The following CDK14 variants were observed in gnomAD, a reference collection of about 807,000 sequenced individuals.
CDK14 encodes the protein cyclin-dependent kinase 14.
Under a neutral mutation model 60.7 loss-of-function variants are expected in CDK14, and 34 were observed. That is an observed-to-expected ratio of 0.56 (90% CI 0.43 to 0.75). The LOEUF is 0.75. CDK14 is among the 30% of genes least tolerant of loss of function. The probability of loss-of-function intolerance (pLI) is 0.00; values close to 1 mark genes in which losing one functional copy is unlikely to be tolerated. For missense variants in CDK14, 482 were observed against 564.1 expected, an observed-to-expected ratio of 0.85 and a Z score of 1.47; for synonymous variants, 197 against 203.7, an observed-to-expected ratio of 0.97 and a Z score of 0.28.
At chr7:90,895,727 ATT>A (rs35655255) in intron 6 of CDK14, among the ~76,000 whole-genome samples, 16,523 of 105,038 alleles carry the variant, frequency 0.16, 1,116 homozygotes, top group Non-Finnish European at 0.18. Flanking sequence ...CACTTGGCTA[ATT>A]TTTTTTTTTT....
intron 2 of CDK14, among the ~76,000 whole-genome samples, chr7:90,651,431 T>C (rs935950520): frequency 1.3e-5 from 2 of 152,172 alleles, no homozygotes; most frequent in Non-Finnish European, 2.9e-5. Context: ...TTTGTGTTTC[T>C]TCACCCCTAA....
At chr7:90,748,777 C>T (rs186368762) in intron 4 of CDK14, among the ~76,000 whole-genome samples, 5 of 152,190 alleles carry the variant, frequency 3.3e-5, no homozygotes, top group East Asian at 1.9e-4. Context: ...TTTGCAGAAA[C>T]GGAATTTTCC....
chr7:90,804,323 G>A (rs994095476), intron 5 of CDK14, among the ~76,000 whole-genome samples: 2 of 151,908 alleles, frequency 1.3e-5, no homozygotes, highest in Admixed American at 6.6e-5. Context: ...TCTTTTACCT[G>A]GAAAAAAGAT....
intron 2 of CDK14, among the ~76,000 whole-genome samples, chr7:90,640,201 G>T (rs112646085): frequency 1.3e-5 from 2 of 152,032 alleles, no homozygotes; most frequent in Non-Finnish European, 1.5e-5. Context: ...GAAATCACCC[G>T]TCTTCTGCGT....
chr7:90,985,820 C>A (rs1428203972), intron 10 of CDK14, among the ~76,000 whole-genome samples: 1 of 152,116 alleles, frequency 6.6e-6, no homozygotes, highest in East Asian at 1.9e-4. Flanking sequence ...AAGTGTTGTC[C>A]TGTTGGTTTT....
intron 11 of CDK14, among the ~76,000 whole-genome samples, chr7:91,051,497 G>C (rs1275985807): frequency 6.6e-6 from 1 of 152,074 alleles, no homozygotes; most frequent in Non-Finnish European, 1.5e-5. Context: ...AGGTCTCCTT[G>C]TGTCTCCCTC....
chr7:90,606,747 C>G (rs550583216), intron 2 of CDK14, among the ~76,000 whole-genome samples: 1 of 152,220 alleles, frequency 6.6e-6, no homozygotes, highest in African/African-American at 2.4e-5. Context: ...AGTTAACTTT[C>G]AGTACGTATC....
At chr7:91,204,619 AAAG>A (rs1802828077) in intron 14 of CDK14, among the ~76,000 whole-genome samples, 2 of 152,334 alleles carry the variant, frequency 1.3e-5, no homozygotes, top group Admixed American at 1.3e-4. Context: ...ACATTTCTCC[AAAG>A]AAGATATTCA....
chr7:90,900,253 A>G (rs1482538262), intron 7 of CDK14, among the ~76,000 whole-genome samples: 1 of 152,148 alleles, frequency 6.6e-6, no homozygotes, highest in Non-Finnish European at 1.5e-5. Flanking sequence ...GAAATCTGTC[A>G]AAACATTGTT....
intron 4 of CDK14, among the ~76,000 whole-genome samples, chr7:90,749,210 A>G (rs1199561363): frequency 6.6e-6 from 1 of 152,174 alleles, no homozygotes; most frequent in Non-Finnish European, 1.5e-5. Context: ...GCAGATCTCC[A>G]GGCCTTTGGA....
At chr7:90,684,218 C>T (rs1218039144) in intron 2 of CDK14, among the ~76,000 whole-genome samples, 1 of 152,146 alleles carries the variant, frequency 6.6e-6, no homozygotes, top group Non-Finnish European at 1.5e-5. Flanking sequence ...GTTCTCTTCC[C>T]ATTTTGACCA....
intron 9 of CDK14, among the ~76,000 whole-genome samples, chr7:90,982,310 T>C (rs142920952): frequency 3.0e-3 from 464 of 152,234 alleles, no homozygotes; most frequent in African/African-American, 0.011. Flanking sequence ...CAAGAGTAAA[T>C]AGGCGAAGAA....
chr7:90,750,078 A>G (rs1336378024), intron 4 of CDK14, among the ~76,000 whole-genome samples: 1 of 152,040 alleles, frequency 6.6e-6, no homozygotes, highest in Non-Finnish European at 1.5e-5. Flanking sequence ...CTATAGAAGC[A>G]AAGCCAAAAG....
At chr7:90,681,530 A>G (rs1470860768) in intron 2 of CDK14, among the ~76,000 whole-genome samples, 2 of 152,158 alleles carry the variant, frequency 1.3e-5, no homozygotes, top group Non-Finnish European at 1.5e-5. Context: ...CTGTGCACTC[A>G]CTGCTGCTTG....
intron 10 of CDK14, among the ~76,000 whole-genome samples, chr7:91,008,447 T>C (rs1415216971): frequency 6.6e-6 from 1 of 152,228 alleles, no homozygotes; most frequent in Non-Finnish European, 1.5e-5. Flanking sequence ...AAGTCATTGT[T>C]TGAGGTTTCA....
rs118177455 is a variant in CDK14 at position 91,169,132 on chromosome 7, C to T, written c.*29-38033C>T. Among the ~76,000 whole-genome samples the T allele has an allele frequency of 5.4e-3, 816 of 152,326 alleles. 6 individuals carry two copies. Among genetic ancestry groups the T allele is most frequent in the Middle Eastern group, 0.031 (9 of 294 alleles). On this transcript the variant is annotated intron_variant, in intron 14 of 14. Transcript: ENST00000380050. The stretch of plus-strand genomic sequence containing the variant: ...AGCTATGGTCTGCTACACACATGTC[C>T]ACTTTCCTTACATTTTCTTTGAACA...
chr7:90,993,648 A>G (rs900161739), intron 10 of CDK14, among the ~76,000 whole-genome samples: 2 of 152,196 alleles, frequency 1.3e-5, no homozygotes, highest in Non-Finnish European at 2.9e-5. Context: ...TGATGTGCAT[A>G]TGGAGGGCAG....
intron 14 of CDK14, among the ~76,000 whole-genome samples, chr7:91,162,482 T>A (rs983904490): frequency 6.6e-6 from 1 of 152,048 alleles, no homozygotes; most frequent in Non-Finnish European, 1.5e-5. Context: ...GGAAGTCACG[T>A]TGAACTGGGC....
intron 6 of CDK14, among the ~76,000 whole-genome samples, chr7:90,878,887 T>G (rs962279012): frequency 2.0e-5 from 3 of 152,220 alleles, no homozygotes; most frequent in African/African-American, 7.2e-5. Context: ...CAATAAAAAT[T>G]TATACATATA....
Sources: gnomAD v4.1 joint callset for allele counts (sites outside exome capture counted in the v4.1 genomes callset) on GRCh38, gnomAD v4.1.1 for gene constraint, MANE v1.5 for transcripts, NCBI Gene and HGNC (gene_info 2026-07-23, HGNC 2026-07-21) for gene names.